The following CADPS variants were observed in gnomAD, a reference collection of about 807,000 sequenced individuals.
The protein encoded by CADPS is calcium dependent secretion activator.
Under a neutral mutation model 167.3 loss-of-function variants are expected in CADPS, and 57 were observed. The ratio of observed to expected loss-of-function variants is 0.34; its 90% CI spans 0.28 to 0.42. The LOEUF (loss-of-function observed/expected upper bound fraction) is 0.42. CADPS is among the 20% of genes least tolerant of loss of function. The pLI is 1.00. For missense variants in CADPS, 1,414 were observed against 1,738.1 expected, an observed-to-expected ratio of 0.81 and a Z score of 3.32; for synonymous variants, 676 against 635.3, an observed-to-expected ratio of 1.06 and a Z score of -0.96.
intron 28 of CADPS, among the ~76,000 whole-genome samples, chr3:62,418,787 A>G (rs549976290): frequency 6.6e-6 from 1 of 152,132 alleles, no homozygotes; most frequent in East Asian, 1.9e-4. Flanking sequence ...ATCTCTTTTG[A>G]TTAGCCTCCA....
At chr3:62,661,955 T>C (rs1341766385) in intron 4 of CADPS, among the ~76,000 whole-genome samples, 1 of 151,972 alleles carries the variant, frequency 6.6e-6, no homozygotes, top group African/African-American at 2.4e-5. Flanking sequence ...GTAAATATAG[T>C]TATGTGTGTG....
At chr3:62,650,101 A>C (rs781673283) in intron 5 of CADPS, among the ~76,000 whole-genome samples, 78 of 152,156 alleles carry the variant, frequency 5.1e-4, no homozygotes, top group Non-Finnish European at 9.4e-4. Flanking sequence ...CTGACAGTGG[A>C]GTTGCTAGAT....
Position 62,644,069 on chromosome 3 carries a change from A to C in CADPS, c.1325+1653T>G, listed in dbSNP as rs890658605. Among the ~76,000 whole-genome samples, 51 of 152,212 alleles carry C rather than the reference A, an allele frequency of 3.4e-4. 1 individual carries two copies. Among genetic ancestry groups the C allele is most frequent in the Admixed American group, 3.1e-3 (48 of 15,284 alleles). On this transcript the variant is annotated intron_variant, in intron 6 of 29. Coordinates refer to ENST00000383710, the MANE Select transcript of CADPS (RefSeq NM_003716.4). ...TTCTGAGCATCTGAGGCTTTTGCCTATTCATGCAAAGAGCCACTTGAAGGT... is the reference window on the plus strand; with the variant it reads ...TTCTGAGCATCTGAGGCTTTTGCCTCTTCATGCAAAGAGCCACTTGAAGGT...
chr3:62,593,105 T>C (rs2086428222), intron 6 of CADPS, among the ~76,000 whole-genome samples: 2 of 152,378 alleles, frequency 1.3e-5, no homozygotes, highest in Middle Eastern at 3.4e-3. Context: ...TCCTCATTCA[T>C]GGAAACTGCA....
rs897900056 is a variant in CADPS at position 62,585,130 on chromosome 3, T to G, written c.1577+55A>C. On this transcript the variant is annotated intron_variant, in intron 8 of 29. Coordinates refer to ENST00000383710, the MANE Select transcript of CADPS (RefSeq NM_003716.4). ...TCTTGTGTTTATTTTTGTTTTCATT[T>G]TGAGAAATGAACAGACGTGTGTCCA... The G allele has an allele frequency of 5.2e-6, 8 of 1,544,658 alleles. No homozygotes were observed. In the African/African-American group the frequency reaches 1.1e-4, roughly 21 times the overall value.
chr3:62,554,103 A>C (rs1289198459), intron 10 of CADPS, among the ~76,000 whole-genome samples: 2 of 152,222 alleles, frequency 1.3e-5, no homozygotes, highest in African/African-American at 4.8e-5. Context: ...CAGTTGTTTG[A>C]TAAACTGTGG....
chr3:62,851,562 G>A lies in CADPS; in HGVS notation c.441+23027C>T, dbSNP rs1473836254. 6.6e-4 allele frequency among the ~76,000 whole-genome samples: 96 copies of A among 144,606 alleles called. 1 individual carries two copies. The highest frequency in any genetic ancestry group is 1.3e-3 in the Non-Finnish European group (87 of 65,438). The allele number at this position is 144,606 out of a possible 152,430, so 94.9% of individuals were successfully genotyped here. On this transcript the variant is annotated intron_variant, in intron 1 of 29. Coordinates refer to ENST00000383710, the MANE Select transcript of CADPS (RefSeq NM_003716.4). ...TTAGTTTGGCTGGATATGAAATTCTGGGTTGAAAATTCTTTTCTTTAAGAA... is the reference window on the plus strand; with the variant it reads ...TTAGTTTGGCTGGATATGAAATTCTAGGTTGAAAATTCTTTTCTTTAAGAA...
intron 26 of CADPS, among the ~76,000 whole-genome samples, chr3:62,449,262 G>A (rs575054425): frequency 3.6e-4 from 55 of 152,270 alleles, no homozygotes; most frequent in African/African-American, 1.3e-3. Context: ...GGCTCTGGAC[G>A]TGTTTTTCTT....
At chr3:62,826,936 T>C (rs1346008534) in intron 1 of CADPS, among the ~76,000 whole-genome samples, 1 of 152,132 alleles carries the variant, frequency 6.6e-6, no homozygotes, top group Non-Finnish European at 1.5e-5. Flanking sequence ...TTTTTAGCTT[T>C]TTTTCCCCTT....
intron 1 of CADPS, among the ~76,000 whole-genome samples, chr3:62,804,261 GC>G (rs945829802): frequency 5.9e-5 from 9 of 152,134 alleles, no homozygotes; most frequent in Non-Finnish European, 5.9e-5. Context: ...AAACTGGGGA[GC>G]TGGGAAAACC....
chr3:62,626,285 C>T, intron 6 of CADPS: 1 of 417,804 alleles, frequency 2.4e-6, no homozygotes, highest in Non-Finnish European at 4.2e-6. Flanking sequence ...TGTTCACATT[C>T]AACAACATTA....
At chr3:62,540,427 G>T (rs1221811936) in intron 11 of CADPS, among the ~76,000 whole-genome samples, 1 of 152,006 alleles carries the variant, frequency 6.6e-6, no homozygotes, top group South Asian at 2.1e-4. Flanking sequence ...CAGGTCCTCA[G>T]GAGGGGTTAT....
intron 1 of CADPS, among the ~76,000 whole-genome samples, chr3:62,811,270 C>T (rs1002800877): frequency 1.3e-5 from 2 of 152,046 alleles, no homozygotes; most frequent in Admixed American, 6.6e-5. Flanking sequence ...ATTCCACCCA[C>T]TCCTCCTACC....
At chr3:62,630,120 G>T (rs1023355982) in intron 6 of CADPS, among the ~76,000 whole-genome samples, 1 of 152,036 alleles carries the variant, frequency 6.6e-6, no homozygotes, top group Non-Finnish European at 1.5e-5. Context: ...TGTCTGTCTT[G>T]CTAATTGGTG....
At chr3:62,451,063 G>A (rs1347035218) in intron 26 of CADPS, among the ~76,000 whole-genome samples, 1 of 151,514 alleles carries the variant, frequency 6.6e-6, no homozygotes, top group East Asian at 1.9e-4. Flanking sequence ...ACCTTAAATG[G>A]CTTCTCAAAA....
intron 6 of CADPS, among the ~76,000 whole-genome samples, chr3:62,598,008 AAC>A (rs2059166344): frequency 1.3e-5 from 2 of 152,112 alleles, no homozygotes; most frequent in South Asian, 4.2e-4. Flanking sequence ...TCCAAAACAA[AAC>A]ACACACAAAA....
intron 1 of CADPS, among the ~76,000 whole-genome samples, chr3:62,780,288 C>A (rs2091316907): frequency 6.6e-6 from 1 of 152,124 alleles, no homozygotes; most frequent in South Asian, 2.1e-4. Context: ...CATAGTGGTG[C>A]ATGACTGTGG....
At chr3:62,662,424 T>C (rs2073465522) in intron 3 of CADPS, 30 bp from the exon 4 acceptor site, 2 of 1,603,674 alleles carry the variant, frequency 1.2e-6, no homozygotes, top group Non-Finnish European at 1.7e-6. Context: ...TTGAGACTTT[T>C]AGTTTGGGTC....
intron 10 of CADPS, among the ~76,000 whole-genome samples, 162 bp downstream of exon 10, chr3:62,557,243 C>A (rs572238091): frequency 6.6e-6 from 1 of 152,016 alleles, no homozygotes; most frequent in Non-Finnish European, 1.5e-5. Context: ...GGGATGGAAA[C>A]GGCATAATAT....
Sources: allele counts gnomAD v4.1 joint callset (sites outside exome capture counted in the v4.1 genomes callset), GRCh38; gene constraint gnomAD v4.1.1; transcripts MANE v1.5; gene names NCBI Gene and HGNC (gene_info 2026-07-23, HGNC 2026-07-21).